Variants in AAGAB observed in about 807,000 individuals in gnomAD.
AAGAB encodes the protein alpha and gamma adaptin binding protein.
Under a neutral mutation model 44.1 loss-of-function variants are expected in AAGAB, and 38 were observed. The observed-to-expected ratio is 0.86, with a 90% confidence interval of 0.67 to 1.13. The LOEUF is 1.13. Ranked by LOEUF, AAGAB falls within the 50% of genes most tolerant of loss-of-function variation. AAGAB has a pLI of 0.00. For missense variants in AAGAB, 450 were observed against 373.8 expected (o/e 1.20, Z -1.68); for synonymous variants, 131 against 131.8 (o/e 0.99, Z 0.04).
chr15:67,247,138 G>A (rs1221592353), intron 1 of AAGAB, among the ~76,000 whole-genome samples: 2 of 151,868 alleles, frequency 1.3e-5, no homozygotes, highest in South Asian at 2.1e-4. Flanking sequence ...TAACACTCAC[G>A]GCGAAGGTCT....
At position 67,231,880 on chromosome 15, in the gene AAGAB, T is replaced by G. The variant is rs755738808; in HGVS notation, c.469A>C (p.Thr157Pro). The G allele has an allele frequency of 1.9e-6, 3 of 1,610,918 alleles. No homozygotes were observed. The highest frequency in any genetic ancestry group is 2.5e-6 in the Non-Finnish European group (3 of 1,177,376). Residue 157 changes from threonine to proline, a missense_variant, in exon 5 of 10, where the codon ACA becomes CCA. Transcript: ENST00000261880. The part of the protein sequence containing the change: ...PEEDDDFPES[T>P]GVKRIVQALN... The stretch of plus-strand genomic sequence containing the variant: ...GCTTGGACAATTCGCTTTACTCCTG[T>G]AGATTCTGGGAAGTCATCTAATCAG...
At chr15:67,214,053 T>A (rs146531490) in intron 5 of AAGAB, among the ~76,000 whole-genome samples, 1 of 152,344 alleles carries the variant, frequency 6.6e-6, no homozygotes, top group South Asian at 2.1e-4. Flanking sequence ...AAGTCTATAC[T>A]CTTTCCATTA....
rs373106011 is a variant in AAGAB at position 67,236,778 on chromosome 15, T to C, written c.116A>G (p.Asn39Ser). 8.9e-5 allele frequency: 144 copies of C among 1,611,926 alleles called. 1 individual carries two copies. The African/African-American group carries it at 1.4e-3, about 15-fold the overall frequency. ...CCAGGGATAAAATCTCACAGCATCA[T>C]TGGAAGTCACTTCCACAATAAGATC... ...TEDLIVEVTS[N>S]DAVRFYPWTI... The change falls in exon 2 of 10, where the codon AAT becomes AGT. Residue 39 changes from asparagine to serine, a missense_variant. By Grantham distance (46) the Asn-to-Ser change is conservative. Transcript: ENST00000261880.
chr15:67,210,829 C>G (rs747938777), intron 5 of AAGAB, among the ~76,000 whole-genome samples: 1 of 152,130 alleles, frequency 6.6e-6, no homozygotes, highest in Non-Finnish European at 1.5e-5. Context: ...CACAGTAGTT[C>G]GAAAAACACT....
chr15:67,244,203 T>C (rs1349073337), intron 1 of AAGAB, among the ~76,000 whole-genome samples: 2 of 152,204 alleles, frequency 1.3e-5, no homozygotes, highest in African/African-American at 4.8e-5. Flanking sequence ...TGTACTCAAG[T>C]ATTGAAAATA....
chr15:67,233,610 A>G (rs181776165), intron 4 of AAGAB, among the ~76,000 whole-genome samples: 1 of 152,386 alleles, frequency 6.6e-6, no homozygotes, highest in Admixed American at 6.5e-5. Context: ...GCACAGAGTT[A>G]CATGTCAGAA....
At chr15:67,221,394 G>A (rs1964061575) in intron 5 of AAGAB, among the ~76,000 whole-genome samples, 1 of 152,180 alleles carries the variant, frequency 6.6e-6, no homozygotes, top group South Asian at 2.1e-4. Flanking sequence ...GAACAAAACA[G>A]TTCTTGGATT....
At chr15:67,202,966 C>T in intron 9 of AAGAB, 68 bp from the exon 10 acceptor site, 2 of 1,447,400 alleles carry the variant, frequency 1.4e-6, no homozygotes, top group African/African-American at 2.8e-5. Context: ...TATGTCATAC[C>T]TTAAACTGAC....
intron 5 of AAGAB, among the ~76,000 whole-genome samples, chr15:67,219,037 C>G (rs961174329): frequency 6.6e-6 from 1 of 152,190 alleles, no homozygotes; most frequent in African/African-American, 2.4e-5. Context: ...ATAGCGGAAA[C>G]TGTGACTTCC....
chr15:67,249,723 G>A (rs944379858), intron 1 of AAGAB, among the ~76,000 whole-genome samples: 13 of 152,168 alleles, frequency 8.5e-5, no homozygotes, highest in African/African-American at 3.1e-4. Flanking sequence ...AGTTCTGACT[G>A]CTAAGGAATC....
At chr15:67,238,946 C>T (rs548773109) in intron 1 of AAGAB, among the ~76,000 whole-genome samples, 5 of 152,272 alleles carry the variant, frequency 3.3e-5, no homozygotes, top group Admixed American at 2.0e-4. Flanking sequence ...CCGCCCGCCT[C>T]GGCCTTCCAA....
chr15:67,231,443 T>G (rs976850942), intron 5 of AAGAB, among the ~76,000 whole-genome samples: 17 of 152,208 alleles, frequency 1.1e-4, no homozygotes, highest in Admixed American at 9.8e-4. Context: ...CCTGCATCAG[T>G]CATCTGTACT....
chr15:67,231,982 G>A (rs1443162161), intron 4 of AAGAB, 85 bp from the exon 5 acceptor site: 31 of 1,136,006 alleles, frequency 2.7e-5, no homozygotes, highest in Non-Finnish European at 3.5e-5. Flanking sequence ...GGCCAGGCAC[G>A]GTGGCTCATG....
At chr15:67,232,789 T>A in intron 4 of AAGAB, 1 of 213,114 alleles carries the variant, frequency 4.7e-6, no homozygotes. Context: ...ATGAAGAAGG[T>A]AGGCAGACAG....
At chr15:67,244,612 G>T (rs939499549) in intron 1 of AAGAB, among the ~76,000 whole-genome samples, 3 of 152,092 alleles carry the variant, frequency 2.0e-5, no homozygotes, top group Non-Finnish European at 4.4e-5. Flanking sequence ...AGACAAGGCT[G>T]CCCAGCATGG....
chr15:67,205,824 G>A (rs753229406), intron 7 of AAGAB, among the ~76,000 whole-genome samples: 5 of 152,028 alleles, frequency 3.3e-5, no homozygotes, highest in Non-Finnish European at 7.4e-5. Context: ...GAGATAAGGA[G>A]GAAGATGTGG....
intron 7 of AAGAB, among the ~76,000 whole-genome samples, chr15:67,207,334 T>G (rs2140344122): frequency 6.6e-6 from 1 of 152,356 alleles, no homozygotes; most frequent in East Asian, 1.9e-4. Flanking sequence ...GTGTGTATAC[T>G]AATACACGCA....
intron 7 of AAGAB, among the ~76,000 whole-genome samples, chr15:67,205,631 G>GT (rs1040397748): frequency 1.5e-4 from 23 of 152,320 alleles, no homozygotes; most frequent in African/African-American, 5.3e-4. Context: ...GAATTGATCT[G>GT]TAACACTGAA....
At chr15:67,212,759 A>G (rs1963853810) in intron 5 of AAGAB, among the ~76,000 whole-genome samples, 1 of 152,228 alleles carries the variant, frequency 6.6e-6, no homozygotes, top group Non-Finnish European at 1.5e-5. Flanking sequence ...AACTTAGATG[A>G]TATTTTATAT....
Sources: allele counts gnomAD v4.1 joint callset (sites outside exome capture counted in the v4.1 genomes callset), GRCh38; gene constraint gnomAD v4.1.1; transcripts MANE v1.5; gene names NCBI Gene and HGNC (gene_info 2026-07-23, HGNC 2026-07-21).